The following SNTG1 variants were observed in gnomAD, a reference collection of about 807,000 sequenced individuals.
SNTG1 encodes the protein gamma-1-syntrophin.
A neutral mutation model predicts 74.7 loss-of-function variants in SNTG1; 39 were observed. The observed-to-expected ratio is 0.52, with a 90% CI of 0.40 to 0.68. The LOEUF is 0.68. SNTG1 is among the 30% of genes least tolerant of loss of function. The pLI is 0.00. For missense variants in SNTG1, 685 were observed against 609.5 expected (o/e 1.12, Z -1.30); for synonymous variants, 254 against 217.1 (o/e 1.17, Z -1.49).
chr8:50,412,535 C>G (rs550565608), intron 4 of SNTG1, among the ~76,000 whole-genome samples: 24 of 152,252 alleles, frequency 1.6e-4, no homozygotes, highest in Non-Finnish European at 2.5e-4. Context: ...TGGTCTCTGG[C>G]ACATAGTAGG....
chr8:49,985,718 G>A (rs982689846), intron 1 of SNTG1, among the ~76,000 whole-genome samples: 1 of 152,132 alleles, frequency 6.6e-6, no homozygotes, highest in Non-Finnish European at 1.5e-5. Context: ...CTCAGCAGAA[G>A]GGATGGTTTT....
intron 17 of SNTG1, among the ~76,000 whole-genome samples, chr8:50,750,522 ACAGT>A (rs1456353632): frequency 7.2e-5 from 11 of 151,950 alleles, no homozygotes; most frequent in Admixed American, 6.6e-4. Flanking sequence ...CTTTCATGAA[ACAGT>A]CAATCAATGC....
chr8:50,505,013 T>C (rs887528590), intron 9 of SNTG1, among the ~76,000 whole-genome samples: 6 of 152,256 alleles, frequency 3.9e-5, no homozygotes, highest in Admixed American at 6.5e-5. Flanking sequence ...ACCCACCCAC[T>C]GGCAAACACC....
chr8:50,564,108 G>A (rs1263904223), intron 12 of SNTG1, among the ~76,000 whole-genome samples: 3 of 141,842 alleles, frequency 2.1e-5, no homozygotes, highest in Middle Eastern at 3.6e-3. Context: ...AGTGTCACAT[G>A]TTGCAGTCCG....
intron 1 of SNTG1, among the ~76,000 whole-genome samples, chr8:50,058,734 TTGTG>T (rs71235777): frequency 0.012 from 1,767 of 145,736 alleles, 11 homozygotes; most frequent in Non-Finnish European, 0.014. Flanking sequence ...TTACTTACAT[TTGTG>T]TGTGTGTGTG....
intron 9 of SNTG1, among the ~76,000 whole-genome samples, chr8:50,526,585 A>G (rs1443716230): frequency 6.6e-6 from 1 of 151,896 alleles, no homozygotes; most frequent in Admixed American, 6.6e-5. Context: ...TCTGAACTTC[A>G]TCAAAGTCAG....
At chr8:50,656,074 G>C (rs2095178581) in intron 13 of SNTG1, among the ~76,000 whole-genome samples, 1 of 152,206 alleles carries the variant, frequency 6.6e-6, no homozygotes, top group African/African-American at 2.4e-5. Flanking sequence ...ATATCTAGGA[G>C]GAGGACTTAA....
intron 9 of SNTG1, among the ~76,000 whole-genome samples, chr8:50,507,110 T>C (rs1372740392): frequency 1.3e-5 from 2 of 152,070 alleles, no homozygotes; most frequent in Non-Finnish European, 2.9e-5. Flanking sequence ...CATTCTGTTA[T>C]TGTGATGTGT....
At chr8:50,311,490 A>G (rs2090111101) in intron 2 of SNTG1, among the ~76,000 whole-genome samples, 1 of 152,226 alleles carries the variant, frequency 6.6e-6, no homozygotes, top group Admixed American at 6.5e-5. Flanking sequence ...GAGTGGATAC[A>G]TTGAGTAGGT....
chr8:50,553,614 C>T (rs2094439464), intron 12 of SNTG1, among the ~76,000 whole-genome samples: 1 of 152,052 alleles, frequency 6.6e-6, no homozygotes, highest in African/African-American at 2.4e-5. Flanking sequence ...CAGAAGATTG[C>T]CATTGTCTCA....
At chr8:50,183,215 G>T (rs1441539165) in intron 2 of SNTG1, among the ~76,000 whole-genome samples, 2 of 152,094 alleles carry the variant, frequency 1.3e-5, no homozygotes, top group Admixed American at 6.5e-5. Context: ...TTTACTCAAG[G>T]TTTTAGTGTT....
rs904144237 is a variant in SNTG1, at chr8:50,324,847, C to A, written c.-27-69365C>A. On this transcript the variant is annotated intron_variant, in intron 2 of 18. Coordinates refer to ENST00000642720, the MANE Select transcript of SNTG1 (RefSeq NM_018967.5). ...CCAAATGTAAGGTCATTTAGATTGT[C>A]TTCTGTTATTCCTAGAATTTTTGTA... 1.3e-5 allele frequency among the ~76,000 whole-genome samples: 2 copies of A among 150,574 alleles called. 1 individual carries two copies. The highest frequency in any genetic ancestry group is 4.2e-4 in the South Asian group (2 of 4,768).
chr8:50,406,840 C>G (rs1354211518), intron 4 of SNTG1, among the ~76,000 whole-genome samples: 3 of 151,962 alleles, frequency 2.0e-5, no homozygotes, highest in African/African-American at 7.2e-5. Flanking sequence ...CTCTATAACT[C>G]GCTTTTCTTA....
At chr8:50,566,759 G>A (rs986258092) in intron 12 of SNTG1, among the ~76,000 whole-genome samples, 2 of 151,888 alleles carry the variant, frequency 1.3e-5, no homozygotes, top group Non-Finnish European at 2.9e-5. Flanking sequence ...TGTGGAAAAT[G>A]CATGAGTTTG....
intron 13 of SNTG1, among the ~76,000 whole-genome samples, chr8:50,648,466 T>TA (rs947237684): frequency 6.6e-6 from 1 of 152,146 alleles, no homozygotes. Flanking sequence ...GAATTAAAAC[T>TA]AGAAACCCTG....
intron 2 of SNTG1, among the ~76,000 whole-genome samples, chr8:50,184,206 C>T (rs551401444): frequency 1.3e-5 from 2 of 152,206 alleles, no homozygotes; most frequent in South Asian, 4.1e-4. Flanking sequence ...TGCTCTGTCG[C>T]CCAGGCTGGA....
intron 1 of SNTG1, among the ~76,000 whole-genome samples, chr8:49,966,641 C>A (rs1167322394): frequency 6.6e-6 from 1 of 152,084 alleles, no homozygotes; most frequent in East Asian, 1.9e-4. Context: ...ATGATCCATC[C>A]ACCTTGGCCT....
chr8:50,599,575 T>G (rs1347139212), intron 13 of SNTG1, among the ~76,000 whole-genome samples: 2 of 152,050 alleles, frequency 1.3e-5, no homozygotes, highest in Non-Finnish European at 2.9e-5. Context: ...GATCTTTCAT[T>G]TCTTTGTTAT....
chr8:49,964,636 C>T (rs1331566410), intron 1 of SNTG1, among the ~76,000 whole-genome samples: 1 of 152,162 alleles, frequency 6.6e-6, no homozygotes, highest in African/African-American at 2.4e-5. Context: ...ATGTGGGAAA[C>T]CTCTGGAACA....
Sources: allele counts gnomAD v4.1 joint callset (sites outside exome capture counted in the v4.1 genomes callset), GRCh38; gene constraint gnomAD v4.1.1; transcripts MANE v1.5; gene names NCBI Gene and HGNC (gene_info 2026-07-23, HGNC 2026-07-21).